Variants in PTPRT observed in about 807,000 individuals in gnomAD.
The protein encoded by PTPRT is receptor-type tyrosine-protein phosphatase T.
In PTPRT, 56 loss-of-function variants were observed where a neutral mutation model predicts 176.8. The ratio of observed to expected loss-of-function variants is 0.32; its 90% CI spans 0.26 to 0.40. PTPRT has a LOEUF of 0.40. PTPRT is among the 10% of genes least tolerant of loss of function. The pLI, the probability that PTPRT is intolerant of heterozygous loss-of-function variation, is 1.00. For missense variants in PTPRT, 1,540 were observed against 1,908.2 expected (o/e 0.81, Z 3.60); for synonymous variants, 783 against 739.0 (o/e 1.06, Z -0.96).
At chr20:42,603,870 AC>A (rs2073827078) in intron 7 of PTPRT, among the ~76,000 whole-genome samples, 1 of 151,884 alleles carries the variant, frequency 6.6e-6, no homozygotes, top group Admixed American at 6.6e-5. Context: ...CACCTTCCAG[AC>A]TCCCTCCTCC....
chr20:42,316,088 G>T, intron 11 of PTPRT, 92 bp from the exon 12 acceptor site: 2 of 1,407,632 alleles, frequency 1.4e-6, no homozygotes, highest in Non-Finnish European at 2.0e-6. Context: ...CTTCTCCTAT[G>T]TGGAAGCATT....
intron 2 of PTPRT, among the ~76,000 whole-genome samples, chr20:42,873,737 A>G (rs2078883742): frequency 1.3e-5 from 2 of 152,194 alleles, no homozygotes; most frequent in African/African-American, 2.4e-5. Flanking sequence ...GACTAGCCAC[A>G]TTTCCAGTAC....
chr20:42,383,188 A>G (rs375458990), intron 9 of PTPRT, among the ~76,000 whole-genome samples: 4 of 152,348 alleles, frequency 2.6e-5, no homozygotes, highest in Admixed American at 6.5e-5. Flanking sequence ...GGCAGAGCAC[A>G]GGACTTCTGA....
chr20:42,161,241 A>G, intron 17 of PTPRT, 111 bp downstream of exon 17: 2 of 1,238,548 alleles, frequency 1.6e-6, no homozygotes, highest in South Asian at 2.6e-5. Context: ...ACACGCTCCC[A>G]GGTGATACTG....
intron 2 of PTPRT, among the ~76,000 whole-genome samples, chr20:42,840,578 A>G (rs1476963594): frequency 6.6e-6 from 1 of 151,948 alleles, no homozygotes; most frequent in African/African-American, 2.4e-5. Context: ...AAGCTCAGCT[A>G]ATTTTTGTAA....
At chr20:42,847,933 A>G (rs554214825) in intron 2 of PTPRT, among the ~76,000 whole-genome samples, 1 of 152,074 alleles carries the variant, frequency 6.6e-6, no homozygotes, top group African/African-American at 2.4e-5. Flanking sequence ...TGTACCCATC[A>G]CCCTAGCAGT....
intron 6 of PTPRT, among the ~76,000 whole-genome samples, chr20:42,716,634 G>T (rs1314720827): frequency 6.6e-6 from 1 of 152,054 alleles, no homozygotes; most frequent in Non-Finnish European, 1.5e-5. Flanking sequence ...TGAGTTCGTT[G>T]TAGATTCTGG....
chr20:42,876,600 G>A (rs1322678834), intron 2 of PTPRT, among the ~76,000 whole-genome samples: 2 of 152,182 alleles, frequency 1.3e-5, no homozygotes, highest in Non-Finnish European at 2.9e-5. Flanking sequence ...TCAGAGTCGG[G>A]CTCAAGACAT....
At chr20:42,090,754 G>A (rs763415742) in intron 27 of PTPRT, among the ~76,000 whole-genome samples, 1 of 152,162 alleles carries the variant, frequency 6.6e-6, no homozygotes, top group Non-Finnish European at 1.5e-5. Context: ...GGAATTCTAG[G>A]AAGCCTACTT....
chr20:42,966,983 CTTT>C (rs1982332584), intron 1 of PTPRT, among the ~76,000 whole-genome samples: 1 of 152,208 alleles, frequency 6.6e-6, no homozygotes, highest in Admixed American at 6.5e-5. Context: ...ACAACAACTT[CTTT>C]AAGAGAGGCA....
Position 42,330,551 on chromosome 20 carries a change from A to G in PTPRT, c.1866-14555T>C, listed in dbSNP as rs940540225. Among the ~76,000 whole-genome samples, 54 of 152,032 alleles carry G rather than the reference A, an allele frequency of 3.6e-4. 1 individual carries two copies. The highest frequency in any genetic ancestry group is 7.4e-5 in the Non-Finnish European group (5 of 68,016). On this transcript the variant is annotated intron_variant, in intron 11 of 30. Transcript: ENST00000373187. ...TCTATTAGCTTATGTTAATAACTCA[A>G]TTAAACAATAACTTTAAGCAAGTCT...
At position 42,427,336 on chromosome 20, in the gene PTPRT, C is replaced by A. The variant is rs955144991; in HGVS notation, c.1560+20884G>T. On this transcript the variant is annotated intron_variant, in intron 9 of 30. Transcript: ENST00000373187. ...TCAAACTTAAAAACTTGTTAGCCTGCAAACCTGTAAAACTTATAAAATCTG... is the reference window on the plus strand; with the variant it reads ...TCAAACTTAAAAACTTGTTAGCCTGAAAACCTGTAAAACTTATAAAATCTG... Among the ~76,000 whole-genome samples, 20 of 152,266 alleles carry A rather than the reference C, an allele frequency of 1.3e-4. 2 individuals carry two copies. The highest frequency in any genetic ancestry group is 9.8e-4 in the Admixed American group (15 of 15,302).
chr20:43,101,211 G>A (rs184970449), intron 1 of PTPRT, among the ~76,000 whole-genome samples: 17 of 152,204 alleles, frequency 1.1e-4, no homozygotes, highest in East Asian at 3.9e-4. Flanking sequence ...ACAATAATAC[G>A]GAAGTAAAAT....
chr20:42,746,218 T>C (rs1014354298), intron 6 of PTPRT, among the ~76,000 whole-genome samples: 2 of 152,222 alleles, frequency 1.3e-5, no homozygotes, highest in African/African-American at 4.8e-5. Context: ...TTTGTGCCCA[T>C]ATAGATTACA....
rs372477981 is a variant in PTPRT at position 42,757,023 on chromosome 20, C to T, written c.685-387G>A. ...CATGATCAAGCCACTGCACTCTACC[C>T]TGGGTGACAGAGGAAGGCCCTGCCT... is the stretch of plus-strand genomic sequence containing the variant. On this transcript the variant is annotated intron_variant, in intron 5 of 30. Transcript: ENST00000373187. Among the ~76,000 whole-genome samples, 92 of 149,552 alleles carry T rather than the reference C, an allele frequency of 6.2e-4. 1 individual carries two copies. The highest frequency in any genetic ancestry group is 2.2e-3 in the African/African-American group (89 of 40,452).
At chr20:42,281,098 C>G (rs943985010) in intron 13 of PTPRT, among the ~76,000 whole-genome samples, 52 of 152,158 alleles carry the variant, frequency 3.4e-4, no homozygotes, top group African/African-American at 1.2e-3. Context: ...CTGCAGACAC[C>G]TAGCTCTCCC....
Position 42,448,232 on chromosome 20 carries a change from G to T in PTPRT, c.1548C>A (p.Ile516=). 6.2e-7 allele frequency: 1 copy of T among 1,610,810 alleles called. No homozygotes were observed. The highest frequency in any genetic ancestry group is 8.5e-7 in the Non-Finnish European group (1 of 1,177,050). Residue 516 remains isoleucine, a synonymous_variant, in exon 9 of 31, where the codon ATC becomes ATA. Coordinates refer to ENST00000373187, the MANE Select transcript of PTPRT (RefSeq NM_007050.6). ...WKPPNETNGV[I]TLYEINYKAV... is the part of the protein sequence containing the mutation. ...GGGACCTCCTTACCTCGTAGAGCGT[G>T]ATGACCCCATTGGTCTCATTGGGAG...
chr20:43,170,940 T>C (rs1305592678), intron 1 of PTPRT, among the ~76,000 whole-genome samples: 2 of 152,204 alleles, frequency 1.3e-5, no homozygotes, highest in Admixed American at 6.5e-5. Flanking sequence ...ACTGAGACAA[T>C]GCTGGTCTGG....
intron 9 of PTPRT, among the ~76,000 whole-genome samples, chr20:42,381,157 C>A (rs1288960291): frequency 6.6e-6 from 1 of 152,188 alleles, no homozygotes; most frequent in East Asian, 1.9e-4. Flanking sequence ...CTCCCTACCT[C>A]CAGCATTGGG....
Sources: gnomAD v4.1 joint callset for allele counts (sites outside exome capture counted in the v4.1 genomes callset) on GRCh38, gnomAD v4.1.1 for gene constraint, MANE v1.5 for transcripts, NCBI Gene and HGNC (gene_info 2026-07-23, HGNC 2026-07-21) for gene names.